Variants in PEBP4 observed in about 807,000 individuals in gnomAD.
PEBP4 encodes the protein phosphatidylethanolamine binding protein 4, also known as phosphatidylethanolamine-binding protein 4.
Under a neutral mutation model 23.9 loss-of-function variants are expected in PEBP4, and 22 were observed. The ratio of observed to expected loss-of-function variants is 0.92; its 90% confidence interval spans 0.66 to 1.31. PEBP4 has a LOEUF of 1.31. Ranked by LOEUF, PEBP4 falls within the 40% of genes most tolerant of loss-of-function variation. The pLI, the probability that PEBP4 is intolerant of heterozygous loss-of-function variation, is 0.00. For missense variants in PEBP4, 324 were observed against 281.7 expected, an observed-to-expected ratio of 1.15 and a Z score of -1.07; for synonymous variants, 112 against 99.3, an observed-to-expected ratio of 1.13 and a Z score of -0.76.
At chr8:22,726,640 C>T (rs772257183) in intron 5 of PEBP4, among the ~76,000 whole-genome samples, 5 of 152,246 alleles carry the variant, frequency 3.3e-5, no homozygotes, top group Non-Finnish European at 7.3e-5. Flanking sequence ...CTCCATCTTC[C>T]CATTTCCTGG....
chr8:22,776,800 G>C (rs546624737), intron 4 of PEBP4, among the ~76,000 whole-genome samples: 1 of 149,192 alleles, frequency 6.7e-6, no homozygotes, highest in African/African-American at 2.5e-5. Context: ...CGAGATATTG[G>C]TCAATGAATC....
chr8:22,809,310 C>A (rs1806566491), intron 4 of PEBP4, among the ~76,000 whole-genome samples: 2 of 152,162 alleles, frequency 1.3e-5, no homozygotes, highest in Admixed American at 1.3e-4. Context: ...TCTCCTGCGT[C>A]CACACTGCAC....
Position 22,833,610 on chromosome 8 carries a change from G to A in PEBP4, c.259-15875C>T, listed in dbSNP as rs115657789. Among the ~76,000 whole-genome samples the A allele has an allele frequency of 9.0e-3, 1,364 of 152,294 alleles. 23 individuals are homozygous for A. Among genetic ancestry groups the A allele is most frequent in the African/African-American group, 0.031 (1,291 of 41,554 alleles). ...GCCTCTCAAAGTGCTGGGATTACAGGCTCTGATATGATTTCGAATGTGGGT... is the reference window on the plus strand; with the variant it reads ...GCCTCTCAAAGTGCTGGGATTACAGACTCTGATATGATTTCGAATGTGGGT... On this transcript the variant is annotated intron_variant, in intron 3 of 6. Coordinates refer to ENST00000256404, the MANE Select transcript of PEBP4 (RefSeq NM_144962.3).
upstream of PEBP4, among the ~76,000 whole-genome samples, chr8:22,931,987 C>T (rs943490468): frequency 6.6e-6 from 1 of 152,196 alleles, no homozygotes; most frequent in African/African-American, 2.4e-5. Flanking sequence ...TTGGATGCAA[C>T]TTCAAATTTG....
At chr8:22,719,585 T>G (rs562874181) in intron 6 of PEBP4, among the ~76,000 whole-genome samples, 1 of 152,274 alleles carries the variant, frequency 6.6e-6, no homozygotes, top group South Asian at 2.1e-4. Context: ...GAAGTCTGGG[T>G]CAGGAGAGCG....
chr8:22,758,754 G>A (rs992005094), intron 4 of PEBP4, among the ~76,000 whole-genome samples: 9 of 152,216 alleles, frequency 5.9e-5, no homozygotes, highest in African/African-American at 2.2e-4. Context: ...TGTCCAACAA[G>A]CATGAGAATG....
Position 22,724,961 on chromosome 8 carries a change from A to C in PEBP4, c.404-5T>G. On this transcript the variant is annotated splice_region_variant and splice_polypyrimidine_tract_variant and intron_variant, in intron 5 of 6. Coordinates refer to ENST00000256404, the MANE Select transcript of PEBP4 (RefSeq NM_144962.3). ...GTGGGGAGGGAGCCTGGTAGGCTAT[A>C]GGTAGAAGCAGGAGAGAGGTGAGCA... 6.2e-7 allele frequency: 1 copy of C among 1,600,338 alleles called. No homozygotes were observed. The highest frequency in any genetic ancestry group is 2.2e-5 in the East Asian group (1 of 44,792).
chr8:22,918,476 G>C (rs1403611729), intron 3 of PEBP4, among the ~76,000 whole-genome samples: 2 of 152,172 alleles, frequency 1.3e-5, no homozygotes, highest in African/African-American at 4.8e-5. Flanking sequence ...GTGCTGATAA[G>C]CCAGGGCAAC....
At chr8:22,814,372 C>T (rs1016088766) in intron 4 of PEBP4, among the ~76,000 whole-genome samples, 5 of 152,258 alleles carry the variant, frequency 3.3e-5, no homozygotes, top group Non-Finnish European at 2.9e-5. Context: ...CCGGTCCCTA[C>T]TGCCAGGCAT....
At chr8:22,805,964 C>T (rs1348319338) in intron 4 of PEBP4, among the ~76,000 whole-genome samples, 1 of 152,060 alleles carries the variant, frequency 6.6e-6, no homozygotes, top group African/African-American at 2.4e-5. Context: ...GGTCTGAAAC[C>T]TTTACTTTTA....
At chr8:22,822,120 G>T (rs1806872348) in intron 3 of PEBP4, among the ~76,000 whole-genome samples, 1 of 152,146 alleles carries the variant, frequency 6.6e-6, no homozygotes, top group Non-Finnish European at 1.5e-5. Context: ...GCAGATGAGG[G>T]CCACAAAGTG....
intron 3 of PEBP4, among the ~76,000 whole-genome samples, chr8:22,831,094 C>T (rs1464603453): frequency 1.3e-5 from 2 of 152,182 alleles, no homozygotes; most frequent in Non-Finnish European, 2.9e-5. Context: ...CCCCACTCAT[C>T]ACCTTTGCAT....
intron 3 of PEBP4, among the ~76,000 whole-genome samples, chr8:22,892,412 T>TA (rs1176974925): frequency 1.3e-5 from 2 of 152,208 alleles, no homozygotes; most frequent in Non-Finnish European, 2.9e-5. Flanking sequence ...ACTCCATACT[T>TA]ACCTCTGGTA....
intron 2 of PEBP4, among the ~76,000 whole-genome samples, chr8:22,922,711 G>A (rs1281546119): frequency 6.6e-6 from 1 of 152,018 alleles, no homozygotes; most frequent in Non-Finnish European, 1.5e-5. Context: ...GGGTGACAGA[G>A]CAAGACCCTA....
chr8:22,771,751 A>G (rs1191479326), intron 4 of PEBP4, among the ~76,000 whole-genome samples: 2 of 152,214 alleles, frequency 1.3e-5, no homozygotes, highest in Non-Finnish European at 2.9e-5. Flanking sequence ...TACCATTGCC[A>G]TGGCAACACC....
intron 4 of PEBP4, 97 bp from the exon 5 acceptor site, chr8:22,727,317 A>T: frequency 8.6e-7 from 1 of 1,165,538 alleles, no homozygotes; most frequent in Non-Finnish European, 1.2e-6. Context: ...CAGGAGGAGG[A>T]TGGGAGAGGA....
At chr8:22,927,446 C>T (rs1312352996) in intron 2 of PEBP4, 138 bp downstream of exon 2, 2 of 1,068,902 alleles carry the variant, frequency 1.9e-6, no homozygotes, top group Non-Finnish European at 2.6e-6. Flanking sequence ...AGGTGGTCTC[C>T]AGATCTGACA....
intron 4 of PEBP4, among the ~76,000 whole-genome samples, chr8:22,750,731 G>A (rs572978728): frequency 2.5e-3 from 377 of 152,274 alleles, no homozygotes; most frequent in Non-Finnish European, 4.5e-3. Flanking sequence ...CTAGGGTCAA[G>A]CTTCACTCTC....
intron 3 of PEBP4, among the ~76,000 whole-genome samples, chr8:22,856,492 G>A (rs572224948): frequency 6.6e-6 from 1 of 152,138 alleles, no homozygotes; most frequent in Non-Finnish European, 1.5e-5. Context: ...CGAGGCAGGC[G>A]GATTACTTGA....
Sources: allele counts gnomAD v4.1 joint callset (sites outside exome capture counted in the v4.1 genomes callset), GRCh38; gene constraint gnomAD v4.1.1; transcripts MANE v1.5; gene names NCBI Gene and HGNC (gene_info 2026-07-23, HGNC 2026-07-21).